CACNA1B: variants seen among roughly 807,000 people sequenced by gnomAD.
The protein encoded by CACNA1B is voltage-dependent N-type calcium channel subunit alpha-1B.
Under a neutral mutation model 247.2 loss-of-function variants are expected in CACNA1B, and 70 were observed. That is an observed-to-expected ratio of 0.28 (90% CI 0.23 to 0.35). The LOEUF (loss-of-function observed/expected upper bound fraction) is 0.35. Ranked by LOEUF, CACNA1B falls within the 10% of genes least tolerant of loss-of-function variation. CACNA1B has a pLI of 1.00. For missense variants in CACNA1B, 2,367 were observed against 3,197.4 expected (o/e 0.74, Z 6.26); for synonymous variants, 1,231 against 1,294.4 (o/e 0.95, Z 1.05).
chr9:137,971,596 C>T lies in CACNA1B; in HGVS notation c.1543+4C>T, dbSNP rs202001087. ...CGGCGGCTTACCACGACCCTGTGTA[C>T]GTATCCCCGTCCCTCCCTCAGGTGC... On this transcript the variant is annotated splice_donor_region_variant and intron_variant, in intron 11 of 46. Coordinates refer to ENST00000371372, the MANE Select transcript of CACNA1B (RefSeq NM_000718.4). This position sits in a 1 kb window ranked among gnomAD's most constrained non-coding sequence, Gnocchi z 4.4. The T allele has an allele frequency of 6.2e-5, 100 of 1,609,632 alleles. No individual in the cohort carries two copies. The highest frequency in any genetic ancestry group is 7.1e-5 in the Non-Finnish European group (83 of 1,177,216).
chr9:138,005,859 C>T (rs915000242), intron 15 of CACNA1B, among the ~76,000 whole-genome samples: 6 of 152,018 alleles, frequency 3.9e-5, no homozygotes, highest in Admixed American at 1.3e-4. Context: ...CTGGCTAATG[C>T]GGTGAAACCC....
Position 137,880,846 on chromosome 9 carries a change from G to C in CACNA1B, c.390+1687G>C, listed in dbSNP as rs552427102. The stretch of plus-strand genomic sequence containing the variant: ...GGGGCAGCCCCTCAGTTGTCTCCCA[G>C]CCTGGCCCTGGGCGAGGCCTCCCTG... On this transcript the variant is annotated intron_variant, in intron 2 of 46. Transcript: ENST00000371372. The surrounding 1 kb of genome is among the most constrained non-coding windows in gnomAD (Gnocchi z 4.8). Among the ~76,000 whole-genome samples the C allele has an allele frequency of 6.6e-6, 1 of 152,294 alleles. No individual in the cohort carries two copies. Among genetic ancestry groups the C allele is most frequent in the Admixed American group, 6.5e-5 (1 of 15,304 alleles).
Position 138,072,511 on chromosome 9 carries a change from C to T in CACNA1B, c.4675-977C>T, listed in dbSNP as rs755992575. ...TGATGACTGAATCTGACAACACGAA[C>T]GTGTCTCTGAGCCTGAGCTGCTTGC... is the stretch of plus-strand genomic sequence containing the variant. On this transcript the variant is annotated intron_variant, in intron 32 of 46. Transcript: ENST00000371372. This position sits in a 1 kb window ranked among gnomAD's most constrained non-coding sequence, Gnocchi z 4.5. Among the ~76,000 whole-genome samples the T allele has an allele frequency of 2.6e-5, 4 of 152,260 alleles. No individual in the cohort carries two copies. The highest frequency in any genetic ancestry group is 4.8e-5 in the African/African-American group (2 of 41,466).
intron 31 of CACNA1B, among the ~76,000 whole-genome samples, chr9:138,061,095 G>A (rs7860423): frequency 0.35 from 53,894 of 152,186 alleles, 15,008 homozygotes; most frequent in African/African-American, 0.76. Flanking sequence ...GCACAGGAGC[G>A]TGTTCATAGG....
chr9:137,978,860 C>G (rs926531006), intron 12 of CACNA1B, among the ~76,000 whole-genome samples: 1 of 152,160 alleles, frequency 6.6e-6, no homozygotes, highest in Non-Finnish European at 1.5e-5. Context: ...TTGCATCATG[C>G]TGTGCTTCTG....
intron 3 of CACNA1B, among the ~76,000 whole-genome samples, chr9:137,902,463 A>G (rs1957250448): frequency 6.6e-6 from 1 of 152,178 alleles, no homozygotes; most frequent in South Asian, 2.1e-4. Context: ...GGTATTTAAT[A>G]CTTGTTAAGT....
chr9:138,032,046 T>C (rs2133451631), intron 20 of CACNA1B, among the ~76,000 whole-genome samples: 1 of 152,260 alleles, frequency 6.6e-6, no homozygotes, highest in South Asian at 2.1e-4. Flanking sequence ...TTATTTTGTT[T>C]TTCTCTTTCT....
intron 20 of CACNA1B, among the ~76,000 whole-genome samples, chr9:138,027,948 A>G (rs1183890508): frequency 7.0e-6 from 1 of 143,662 alleles, no homozygotes; most frequent in Non-Finnish European, 1.5e-5. Context: ...AGAGTTATCT[A>G]TTGCTTAACT....
chr9:137,894,445 C>T (rs988085832), intron 3 of CACNA1B, among the ~76,000 whole-genome samples: 3 of 151,406 alleles, frequency 2.0e-5, no homozygotes, highest in Non-Finnish European at 2.9e-5. Flanking sequence ...GATGGAGTCT[C>T]GCTCTGTCAT....
intron 3 of CACNA1B, among the ~76,000 whole-genome samples, chr9:137,896,021 C>T (rs1013693550): frequency 1.3e-5 from 2 of 152,110 alleles, no homozygotes; most frequent in African/African-American, 2.4e-5. Context: ...AGGCAGATCA[C>T]GAGGTCAGGA....
Position 137,917,567 on chromosome 9 carries a change from G to C in CACNA1B, c.966+136G>C. The C allele has an allele frequency of 2.7e-6, 2 of 735,740 alleles. No individual in the cohort carries two copies. Among genetic ancestry groups the C allele is most frequent in the South Asian group, 1.9e-5 (1 of 52,842 alleles). The allele number at this position is 735,740 out of a possible 1,614,324, so 45.6% of individuals were successfully genotyped here. On this transcript the variant is annotated intron_variant, in intron 6 of 46. Transcript: ENST00000371372. This position sits in a 1 kb window ranked among gnomAD's most constrained non-coding sequence, Gnocchi z 5.5. Reference sequence around the variant, plus strand: ...CCTAGGCTCCTCCCTGCACCCCTAGGATGAAATGCAGGCTCTTTCCGGCAG... The same window carrying C: ...CCTAGGCTCCTCCCTGCACCCCTAGCATGAAATGCAGGCTCTTTCCGGCAG...
rs1589063722 is a variant in CACNA1B, at chr9:138,007,422, A to G, written c.2092+538A>G. On this transcript the variant is annotated intron_variant, in intron 16 of 46. Transcript: ENST00000371372. This position sits in a 1 kb window ranked among gnomAD's most constrained non-coding sequence, Gnocchi z 4.1. ...GTGAGCTCTGCCCTAGCAAGGGACC[A>G]TGATAGGGACAGGGCTGTGGCCAAG... Among the ~76,000 whole-genome samples the G allele has an allele frequency of 1.2e-5, 1 of 82,194 alleles. No individual in the cohort carries two copies. The highest frequency in any genetic ancestry group is 4.1e-4 in the South Asian group (1 of 2,444). 53.9% of individuals were successfully genotyped at this position (82,194 alleles called of 152,430 possible). A position where few individuals can be genotyped will look rare whatever the true frequency, so the allele number is the denominator to read the frequency against.
chr9:137,947,732 T>C (rs1957813389), intron 6 of CACNA1B, among the ~76,000 whole-genome samples: 1 of 152,144 alleles, frequency 6.6e-6, no homozygotes. Flanking sequence ...TGACCGTTCT[T>C]TTCTTTCAGC....
chr9:137,952,660 G>A lies in CACNA1B; in HGVS notation c.1070+283G>A, dbSNP rs1957891843. ...ACTCATCTGGGTAGACAGGAGGTGT[G>A]GTCTGTAATGGGAGGTTGGTCTGGG... On this transcript the variant is annotated intron_variant, in intron 7 of 46. Coordinates refer to ENST00000371372, the MANE Select transcript of CACNA1B (RefSeq NM_000718.4). The surrounding 1 kb of genome is among the most constrained non-coding windows in gnomAD (Gnocchi z 4.8). Among the ~76,000 whole-genome samples the A allele has an allele frequency of 8.0e-6, 1 of 124,976 alleles. No homozygotes were observed. The highest frequency in any genetic ancestry group is 7.3e-5 in the Admixed American group (1 of 13,754). 82.0% of individuals were successfully genotyped at this position (124,976 alleles called of 152,430 possible).
intron 9 of CACNA1B, among the ~76,000 whole-genome samples, 164 bp downstream of exon 9, chr9:137,956,991 G>T (rs909037620): frequency 1.3e-5 from 2 of 152,222 alleles, no homozygotes; most frequent in African/African-American, 4.8e-5. Context: ...GTCTGACCCT[G>T]GCACCTGACA....
chr9:138,094,442 T>TAAAAAAAA (rs753995157), intron 36 of CACNA1B, among the ~76,000 whole-genome samples: 8 of 93,698 alleles, frequency 8.5e-5, no homozygotes, highest in East Asian at 3.5e-4. Context: ...TTTACTACAG[T>TAAAAAAAA]AAAAAAAAAA....
chr9:137,972,223 C>T (rs1008751864), intron 11 of CACNA1B, among the ~76,000 whole-genome samples: 1 of 152,246 alleles, frequency 6.6e-6, no homozygotes. Context: ...GACTCTCTGT[C>T]CCATGTGGAA....
chr9:137,949,719 C>G (rs1049755223), intron 6 of CACNA1B, among the ~76,000 whole-genome samples: 1 of 152,064 alleles, frequency 6.6e-6, no homozygotes, highest in African/African-American at 2.4e-5. Flanking sequence ...CTGCTGGAGA[C>G]TTTTCCCTTA....
At chr9:137,923,450 G>T (rs542246308) in intron 6 of CACNA1B, among the ~76,000 whole-genome samples, 67 of 147,194 alleles carry the variant, frequency 4.6e-4, no homozygotes, top group Non-Finnish European at 8.4e-4. Context: ...GCTCCAGGTG[G>T]TATTCCGTGG....
Sources: allele counts gnomAD v4.1 joint callset (sites outside exome capture counted in the v4.1 genomes callset), GRCh38; gene constraint gnomAD v4.1.1; non-coding constraint Gnocchi (gnomAD v3.1); transcripts MANE v1.5; gene names NCBI Gene and HGNC (gene_info 2026-07-23, HGNC 2026-07-21).